ARHGAP44: variants seen among roughly 807,000 people sequenced by gnomAD.
ARHGAP44 encodes the protein rho GTPase-activating protein 44.
In ARHGAP44, 43 loss-of-function variants were observed where a neutral mutation model predicts 106.8. That is an observed-to-expected ratio of 0.40 (90% confidence interval 0.32 to 0.52). The LOEUF is 0.52. Ranked by LOEUF, ARHGAP44 falls within the 20% of genes least tolerant of loss-of-function variation. The probability of loss-of-function intolerance (pLI) is 0.48; values close to 1 mark genes in which losing one functional copy is unlikely to be tolerated. For synonymous variants in ARHGAP44, 439 were observed against 410.3 expected (o/e 1.07, Z -0.85); for missense variants, 866 against 1,050.5 (o/e 0.82, Z 2.43).
intron 7 of ARHGAP44, among the ~76,000 whole-genome samples, chr17:12,937,270 G>A (rs1190929181): frequency 1.3e-5 from 2 of 152,208 alleles, no homozygotes; most frequent in Non-Finnish European, 2.9e-5. Flanking sequence ...GGGAGACCTT[G>A]TTAAGAATGG....
At chr17:12,918,469 A>G (rs903137103) in intron 5 of ARHGAP44, among the ~76,000 whole-genome samples, 3 of 152,126 alleles carry the variant, frequency 2.0e-5, no homozygotes, top group African/African-American at 7.2e-5. Flanking sequence ...CGGAACCAAA[A>G]TCCTGCACTG....
intron 1 of ARHGAP44, among the ~76,000 whole-genome samples, chr17:12,801,996 A>G (rs2034108493): frequency 6.6e-6 from 1 of 152,190 alleles, no homozygotes; most frequent in Non-Finnish European, 1.5e-5. Flanking sequence ...CTAAGTACAA[A>G]TATGTTTCCA....
chr17:12,943,119 C>G (rs1164981518), intron 8 of ARHGAP44, among the ~76,000 whole-genome samples: 1 of 152,304 alleles, frequency 6.6e-6, no homozygotes, highest in East Asian at 1.9e-4. Context: ...GTTGCCCAAG[C>G]TGGTCTTGAA....
intron 1 of ARHGAP44, among the ~76,000 whole-genome samples, chr17:12,827,484 T>A (rs2034954544): frequency 6.6e-6 from 1 of 152,180 alleles, no homozygotes; most frequent in South Asian, 2.1e-4. Flanking sequence ...TTTTAAAATA[T>A]ATCACAATTA....
intron 1 of ARHGAP44, among the ~76,000 whole-genome samples, chr17:12,888,083 G>C (rs2036934905): frequency 6.6e-6 from 1 of 151,632 alleles, no homozygotes; most frequent in Non-Finnish European, 1.5e-5. Flanking sequence ...TTTAGTTTTT[G>C]TTGTTGTGTT....
At chr17:12,987,020 GCT>G in intron 20 of ARHGAP44, 1 of 1,011,594 alleles carries the variant, frequency 9.9e-7, no homozygotes. Context: ...TATTGGCATA[GCT>G]TTTTTTTTTT....
chr17:12,954,157 C>T (rs1255393772), intron 13 of ARHGAP44, among the ~76,000 whole-genome samples: 1 of 151,976 alleles, frequency 6.6e-6, no homozygotes, highest in Non-Finnish European at 1.5e-5. Context: ...CTCGGCCTCC[C>T]AAAGCCCTGA....
At chr17:12,847,545 CCT>C (rs1188389391) in intron 1 of ARHGAP44, among the ~76,000 whole-genome samples, 1 of 141,754 alleles carries the variant, frequency 7.1e-6, no homozygotes, top group East Asian at 2.0e-4. Context: ...ACGGAGTCTC[CCT>C]CTGTCGCCCA....
chr17:12,900,913 CTTTTT>C (rs3074723), intron 3 of ARHGAP44, among the ~76,000 whole-genome samples: 43 of 103,616 alleles, frequency 4.1e-4, no homozygotes, highest in African/African-American at 1.3e-3. Flanking sequence ...GAAAGTTTGG[CTTTTT>C]TTTTTTTTTT....
chr17:12,898,017 C>A (rs2037264671), intron 3 of ARHGAP44, among the ~76,000 whole-genome samples: 2 of 152,000 alleles, frequency 1.3e-5, no homozygotes. Context: ...GCAAAGCCAG[C>A]AGATCAGGAG....
At chr17:12,956,859 C>A (rs1420282230) in intron 15 of ARHGAP44, 113 bp downstream of exon 15, 1 of 741,794 alleles carries the variant, frequency 1.3e-6, no homozygotes, top group Non-Finnish European at 2.2e-6. Flanking sequence ...TTTTTGATTC[C>A]CCTATAAACA....
At chr17:12,943,760 A>G (rs1416329291) in intron 9 of ARHGAP44, 91 bp downstream of exon 9, 17 of 1,341,942 alleles carry the variant, frequency 1.3e-5, no homozygotes, top group Non-Finnish European at 1.7e-5. Flanking sequence ...GTTGGCCCTA[A>G]CACTCTGCCC....
In ARHGAP44 at chr17:12,941,507, C is replaced by A. The variant is rs1390676896; in HGVS notation, c.651+383C>A. On this transcript the variant is annotated intron_variant, in intron 8 of 20. Transcript: ENST00000379672. ...AATATCCTGCAGTGCACAAGACAGC[C>A]CCCACACCAATGAATTATCCAGTCC... Among the ~76,000 whole-genome samples, 3 of 152,172 alleles carry A rather than the reference C, an allele frequency of 2.0e-5. No homozygotes were observed. The East Asian group carries it at 5.8e-4, about 29-fold the overall frequency.
chr17:12,899,073 T>C (rs564219378), intron 3 of ARHGAP44, among the ~76,000 whole-genome samples: 1 of 152,170 alleles, frequency 6.6e-6, no homozygotes, highest in African/African-American at 2.4e-5. Flanking sequence ...CAGGTTCAAG[T>C]GATTCTCCCA....
intron 13 of ARHGAP44, among the ~76,000 whole-genome samples, chr17:12,953,569 A>T (rs1368523154): frequency 1.3e-5 from 2 of 152,128 alleles, no homozygotes; most frequent in East Asian, 3.9e-4. Flanking sequence ...ATATTTTCAC[A>T]CTCGTATTCG....
chr17:12,866,973 A>G (rs1224224815), intron 1 of ARHGAP44, among the ~76,000 whole-genome samples: 1 of 152,076 alleles, frequency 6.6e-6, no homozygotes, highest in African/African-American at 2.4e-5. Context: ...GCATTTGTTG[A>G]TTCTCATTTG....
intron 1 of ARHGAP44, among the ~76,000 whole-genome samples, chr17:12,817,828 T>C (rs1484379678): frequency 2.0e-5 from 3 of 151,950 alleles, no homozygotes; most frequent in Admixed American, 1.3e-4. Flanking sequence ...GAAGAAATAA[T>C]GTATCTTGAA....
chr17:12,813,774 A>G (rs1194815397), intron 1 of ARHGAP44, among the ~76,000 whole-genome samples: 1 of 147,690 alleles, frequency 6.8e-6, no homozygotes, highest in South Asian at 2.2e-4. Flanking sequence ...GTGCATATAT[A>G]CAAGGATACA....
chr17:12,858,873 C>T (rs570798857), intron 1 of ARHGAP44, among the ~76,000 whole-genome samples: 3 of 152,124 alleles, frequency 2.0e-5, no homozygotes, highest in South Asian at 2.1e-4. Context: ...GTGAAAGGCA[C>T]GTCTTACATG....
Sources: allele counts gnomAD v4.1 joint callset (sites outside exome capture counted in the v4.1 genomes callset), GRCh38; gene constraint gnomAD v4.1.1; transcripts MANE v1.5; gene names NCBI Gene and HGNC (gene_info 2026-07-23, HGNC 2026-07-21).